Variants in HECW1 observed in about 807,000 individuals in gnomAD.
HECW1 encodes the protein HECT, C2 and WW domain containing E3 ubiquitin protein ligase 1.
A neutral mutation model predicts 182.3 loss-of-function variants in HECW1; 61 were observed. That is an observed-to-expected ratio of 0.33 (90% CI 0.27 to 0.41). HECW1 has a LOEUF of 0.41. Among genes scored for constraint, HECW1 ranks in the 10% least tolerant of loss-of-function variants. HECW1 has a pLI of 1.00. For synonymous variants in HECW1, 859 were observed against 832.6 expected, an observed-to-expected ratio of 1.03 and a Z score of -0.55; for missense variants, 1,739 against 2,108.9, an observed-to-expected ratio of 0.82 and a Z score of 3.44.
chr7:43,423,911 AG>A (rs2076274647), intron 8 of HECW1, among the ~76,000 whole-genome samples: 1 of 152,240 alleles, frequency 6.6e-6, no homozygotes. Flanking sequence ...GTCTGAGGAG[AG>A]CAGATCTAAG....
chr7:43,369,626 T>C lies in HECW1; in HGVS notation c.555+8646T>C, dbSNP rs148673833. On this transcript the variant is annotated intron_variant, in intron 6 of 29. Coordinates refer to ENST00000395891, the MANE Select transcript of HECW1 (RefSeq NM_015052.5). ...TACTACCTGACCTAGAAATTGTGAA[T>C]GAACACATCAAGATAAATATATTCA... Among the ~76,000 whole-genome samples, 894 of 152,310 alleles carry C rather than the reference T, an allele frequency of 5.9e-3. 48 individuals are homozygous for C. Among genetic ancestry groups the C allele is most frequent in the Admixed American group, 0.055 (843 of 15,302 alleles).
At position 43,347,131 on chromosome 7, in the gene HECW1, A is replaced by G. The variant is rs371968890; in HGVS notation, c.461-13755A>G. Among the ~76,000 whole-genome samples, 77 of 152,178 alleles carry G rather than the reference A, an allele frequency of 5.1e-4. 3 individuals carry two copies. Among genetic ancestry groups the G allele is most frequent in the Admixed American group, 3.9e-3 (60 of 15,276 alleles). On this transcript the variant is annotated intron_variant, in intron 5 of 29. Coordinates refer to ENST00000395891, the MANE Select transcript of HECW1 (RefSeq NM_015052.5). ...GATTCTACCCATCCATGAGCTTGGG[A>G]TGTGTTTCCATTTGTTTGTGTCATC...
chr7:43,260,273 T>C (rs1417635205), intron 3 of HECW1, among the ~76,000 whole-genome samples: 3 of 152,112 alleles, frequency 2.0e-5, no homozygotes, highest in South Asian at 4.1e-4. Flanking sequence ...AAGAAAGAAC[T>C]ATCTGAACTA....
Position 43,409,178 on chromosome 7 carries a change from A to G in HECW1, c.801+1447A>G, listed in dbSNP as rs550948390. Among the ~76,000 whole-genome samples, 3 of 152,306 alleles carry G rather than the reference A, an allele frequency of 2.0e-5. No individual in the cohort carries two copies. In the South Asian group the frequency reaches 6.2e-4, roughly 32 times the overall value. ...AGGCTTCCCAGAAGAGCTTCGTTAG[A>G]GCTTTGAAGTGGACGTGAGGGAAAT... On this transcript the variant is annotated intron_variant, in intron 8 of 29. Coordinates refer to ENST00000395891, the MANE Select transcript of HECW1 (RefSeq NM_015052.5).
intron 11 of HECW1, among the ~76,000 whole-genome samples, chr7:43,448,929 A>G (rs1471033026): frequency 6.6e-6 from 1 of 152,192 alleles, no homozygotes; most frequent in Non-Finnish European, 1.5e-5. Flanking sequence ...GTCCTTGTGC[A>G]GAATAGAACT....
chr7:43,459,630 C>T (rs113816333), intron 13 of HECW1, among the ~76,000 whole-genome samples: 6,310 of 152,058 alleles, frequency 0.041, 392 homozygotes, highest in African/African-American at 0.13. Flanking sequence ...CTCCGCCTCC[C>T]GGGTTCAAGC....
intron 13 of HECW1, among the ~76,000 whole-genome samples, chr7:43,463,373 T>C (rs2077652878): frequency 6.6e-6 from 1 of 152,224 alleles, no homozygotes; most frequent in African/African-American, 2.4e-5. Flanking sequence ...TGATTTTGTT[T>C]AATGCAGGGC....
At chr7:43,239,665 A>G (rs1022176370) in intron 2 of HECW1, among the ~76,000 whole-genome samples, 16 of 152,270 alleles carry the variant, frequency 1.1e-4, no homozygotes, top group African/African-American at 3.9e-4. Flanking sequence ...GACAGTCACA[A>G]TGATAGTCTT....
chr7:43,517,327 A>G (rs1046151501), intron 24 of HECW1, among the ~76,000 whole-genome samples: 19 of 152,100 alleles, frequency 1.2e-4, no homozygotes, highest in African/African-American at 4.6e-4. Flanking sequence ...TGCAAAATAA[A>G]CAGACTCCCC....
intron 2 of HECW1, 137 bp downstream of exon 2, chr7:43,114,528 T>C: frequency 2.6e-6 from 2 of 757,516 alleles, no homozygotes; most frequent in Non-Finnish European, 3.7e-6. Flanking sequence ...AATTCCCTGT[T>C]GGTAGAATTC....
chr7:43,397,537 A>G (rs2075271002), intron 7 of HECW1, among the ~76,000 whole-genome samples: 1 of 152,180 alleles, frequency 6.6e-6, no homozygotes. Flanking sequence ...TGGGATTATC[A>G]TTAGTTCTTA....
chr7:43,398,035 T>C (rs150950122), intron 7 of HECW1, among the ~76,000 whole-genome samples: 149 of 152,316 alleles, frequency 9.8e-4, no homozygotes, highest in African/African-American at 3.0e-3. Context: ...GGTGAGCAGA[T>C]CACCTGAGGT....
chr7:43,416,849 C>G (rs530952906), intron 8 of HECW1, among the ~76,000 whole-genome samples: 3 of 26,400 alleles, frequency 1.1e-4, no homozygotes, highest in Non-Finnish European at 1.9e-4. Flanking sequence ...TGGCCCCTTG[C>G]GCTTCCCAGG....
Position 43,305,510 on chromosome 7 carries a change from G to A in HECW1, c.28-6253G>A, listed in dbSNP as rs57414914. Among the ~76,000 whole-genome samples the A allele has an allele frequency of 3.3e-4, 51 of 152,284 alleles. 1 individual carries two copies. The East Asian group carries it at 9.5e-3, about 28-fold the overall frequency. On this transcript the variant is annotated intron_variant, in intron 3 of 29. Transcript: ENST00000395891. ...AATCCCCATTTCCTGCCACACGATG[G>A]ATGACCTCAGAATTTTTATTAACAT... is the stretch of plus-strand genomic sequence containing the variant.
chr7:43,256,503 G>A (rs1800589536), intron 3 of HECW1, among the ~76,000 whole-genome samples: 1 of 151,778 alleles, frequency 6.6e-6, no homozygotes, highest in African/African-American at 2.4e-5. Context: ...CAGCTACTCG[G>A]GAGGCTGAAG....
chr7:43,545,898 G>A (rs1360828228), intron 26 of HECW1, among the ~76,000 whole-genome samples: 5 of 152,064 alleles, frequency 3.3e-5, no homozygotes, highest in Admixed American at 1.3e-4. Context: ...AATTTCTGTC[G>A]TTTTTGCTTT....
chr7:43,557,637 C>A (rs1053086738), intron 29 of HECW1, among the ~76,000 whole-genome samples: 4 of 152,160 alleles, frequency 2.6e-5, no homozygotes, highest in African/African-American at 9.7e-5. Context: ...AAGACTTCAG[C>A]AAAGTGCCAG....
At position 43,536,377 on chromosome 7, in the gene HECW1, C is replaced by T. The variant is rs369879964; in HGVS notation, c.4020-4786C>T. Among the ~76,000 whole-genome samples the T allele has an allele frequency of 1.0e-3, 159 of 152,232 alleles. 1 individual carries two copies. Among genetic ancestry groups the T allele is most frequent in the African/African-American group, 3.5e-3 (144 of 41,460 alleles). On this transcript the variant is annotated intron_variant, in intron 24 of 29. Transcript: ENST00000395891. Reference sequence around the variant, plus strand: ...GAGAGAGACTCTTCCCCCTCCACTGCCCAGGGGAGGCTCCATTCCTGACCC... The same window carrying T: ...GAGAGAGACTCTTCCCCCTCCACTGTCCAGGGGAGGCTCCATTCCTGACCC...
At chr7:43,310,767 A>G (rs1472548126) in intron 3 of HECW1, among the ~76,000 whole-genome samples, 1 of 152,254 alleles carries the variant, frequency 6.6e-6, no homozygotes, top group Non-Finnish European at 1.5e-5. Context: ...GATTAGGTGC[A>G]TAAGAAGTTA....
Sources: gnomAD v4.1 joint callset for allele counts (sites outside exome capture counted in the v4.1 genomes callset) on GRCh38, gnomAD v4.1.1 for gene constraint, MANE v1.5 for transcripts, NCBI Gene and HGNC (gene_info 2026-07-23, HGNC 2026-07-21) for gene names.